The following KIF6 variants were observed in gnomAD, a reference collection of about 807,000 sequenced individuals.
The protein encoded by KIF6 is kinesin family member 6, also known as kinesin-like protein KIF6.
A neutral mutation model predicts 112.7 loss-of-function variants in KIF6; 106 were observed. That is an observed-to-expected ratio of 0.94 (90% CI 0.80 to 1.11). The LOEUF (loss-of-function observed/expected upper bound fraction) is 1.11. Ranked by LOEUF, KIF6 falls within the 50% of genes least tolerant of loss-of-function variation. The pLI is 0.00. For synonymous variants in KIF6, 339 were observed against 339.9 expected, an observed-to-expected ratio of 1.00 and a Z score of 0.03; for missense variants, 929 against 964.0, an observed-to-expected ratio of 0.96 and a Z score of 0.48.
Position 39,578,089 on chromosome 6 carries a change from C to G in KIF6, c.1148G>C (p.Arg383Thr). The change falls in exon 10 of 23, where the codon AGG (arginine) becomes ACG (threonine). Residue 383 changes from arginine to threonine, a missense_variant. Transcript: ENST00000287152. ...DELAMVTGEQ[R>T]TEALTEAELL... ...CTCTGCTTCTGTGAGTGCCTCTGTC[C>G]TCTGCTCCCCAGTGACCATGGCCAG... The G allele has an allele frequency of 6.2e-7, 1 of 1,614,046 alleles. No individual in the cohort carries two copies. Among genetic ancestry groups the G allele is most frequent in the Non-Finnish European group, 8.5e-7 (1 of 1,179,916 alleles).
intron 3 of KIF6, among the ~76,000 whole-genome samples, chr6:39,643,921 G>T (rs114841500): frequency 0.014 from 2,146 of 152,166 alleles, 52 homozygotes; most frequent in African/African-American, 0.049. Flanking sequence ...TATCTATCTG[G>T]CAAGGGACTT....
chr6:39,353,832 G>A, intron 19 of KIF6: 1 of 423,080 alleles, frequency 2.4e-6, no homozygotes, highest in Non-Finnish European at 4.3e-6. Context: ...CTGGAGAGAT[G>A]GACTTCAGGA....
chr6:39,564,188 G>C (rs1030415305), intron 10 of KIF6, among the ~76,000 whole-genome samples: 1 of 152,184 alleles, frequency 6.6e-6, no homozygotes, highest in Non-Finnish European at 1.5e-5. Flanking sequence ...GTGGGCTCAT[G>C]AAAAAGAAGG....
intron 3 of KIF6, among the ~76,000 whole-genome samples, chr6:39,698,036 C>T (rs569062696): frequency 9.2e-5 from 14 of 152,298 alleles, no homozygotes; most frequent in Admixed American, 2.6e-4. Flanking sequence ...GAAATCTTTG[C>T]AGCATGACTT....
At chr6:39,357,712 G>A (rs1764822213) in intron 18 of KIF6, among the ~76,000 whole-genome samples, 1 of 152,164 alleles carries the variant, frequency 6.6e-6, no homozygotes, top group Admixed American at 6.5e-5. Context: ...GCCTCCCAAA[G>A]TGCTGGGATT....
chr6:39,473,762 A>G (rs994852140), intron 13 of KIF6, among the ~76,000 whole-genome samples: 2 of 152,226 alleles, frequency 1.3e-5, no homozygotes, highest in Admixed American at 1.3e-4. Context: ...GTCAAAAATG[A>G]AATAGAGAGC....
chr6:39,518,578 C>T (rs988646483), intron 13 of KIF6, among the ~76,000 whole-genome samples: 1 of 152,124 alleles, frequency 6.6e-6, no homozygotes, highest in Admixed American at 6.5e-5. Flanking sequence ...AAAGAATACG[C>T]TGGGTGTTAG....
intron 15 of KIF6, among the ~76,000 whole-genome samples, chr6:39,391,357 C>G (rs1767881692): frequency 6.6e-6 from 1 of 152,180 alleles, no homozygotes; most frequent in Non-Finnish European, 1.5e-5. Flanking sequence ...ACCACCCAAT[C>G]TGTGAGTGAA....
rs1206528298 is a variant in KIF6 at position 39,496,058 on chromosome 6, T to C, written c.1645+43945A>G. Among the ~76,000 whole-genome samples the C allele has an allele frequency of 3.9e-5, 6 of 152,306 alleles. No homozygotes were observed. In the East Asian group the frequency reaches 1.2e-3, roughly 29 times the overall value. ...CTCCCTATCCCAATCATTTCTTCAA[T>C]TCTATCTTTTCCTCAAGCTGCCAGC... is the stretch of plus-strand genomic sequence containing the variant. On this transcript the variant is annotated intron_variant, in intron 13 of 22. Coordinates refer to ENST00000287152, the MANE Select transcript of KIF6 (RefSeq NM_145027.6).
intron 13 of KIF6, among the ~76,000 whole-genome samples, chr6:39,538,033 A>T (rs1295671088): frequency 6.6e-6 from 1 of 152,212 alleles, no homozygotes; most frequent in Non-Finnish European, 1.5e-5. Context: ...GTTGAAACTG[A>T]ATTCCTTCCT....
rs1051479052 is a variant in KIF6, at chr6:39,374,797, T to C, written c.1861+10825A>G. Among the ~76,000 whole-genome samples, 4 of 152,224 alleles carry C rather than the reference T, an allele frequency of 2.6e-5. No homozygotes were observed. The East Asian group carries it at 7.7e-4, about 29-fold the overall frequency. ...GAAATGTAAATTGGTACAGTTGTCA[T>C]AGAAAGCAGTATGGAGGTTGTTCAA... On this transcript the variant is annotated intron_variant, in intron 16 of 22. Coordinates refer to ENST00000287152, the MANE Select transcript of KIF6 (RefSeq NM_145027.6).
At chr6:39,671,551 A>G (rs1786818455) in intron 3 of KIF6, among the ~76,000 whole-genome samples, 1 of 152,120 alleles carries the variant, frequency 6.6e-6, no homozygotes, top group Admixed American at 6.5e-5. Flanking sequence ...TGAGGCCTAC[A>G]TTCCTATGTC....
At chr6:39,684,240 G>A (rs1787711257) in intron 3 of KIF6, among the ~76,000 whole-genome samples, 1 of 152,184 alleles carries the variant, frequency 6.6e-6, no homozygotes. Context: ...AGGGGCTCAC[G>A]CCTGTAATCC....
intron 10 of KIF6, among the ~76,000 whole-genome samples, chr6:39,569,230 A>G (rs1217952006): frequency 6.6e-6 from 1 of 152,260 alleles, no homozygotes; most frequent in Non-Finnish European, 1.5e-5. Context: ...AGAATTAAGT[A>G]CTGACAAGAG....
At chr6:39,636,405 G>A (rs887142390) in intron 4 of KIF6, among the ~76,000 whole-genome samples, 10 of 151,838 alleles carry the variant, frequency 6.6e-5, no homozygotes, top group Non-Finnish European at 1.2e-4. Context: ...TTTTTTCAGC[G>A]TAATGCTGAA....
At chr6:39,675,307 G>A (rs1248760758) in intron 3 of KIF6, among the ~76,000 whole-genome samples, 2 of 152,110 alleles carry the variant, frequency 1.3e-5, no homozygotes, top group Non-Finnish European at 2.9e-5. Flanking sequence ...GAATGTCAAA[G>A]AAACTTGCCT....
chr6:39,438,068 C>G (rs1464543603), intron 13 of KIF6, among the ~76,000 whole-genome samples: 1 of 152,130 alleles, frequency 6.6e-6, no homozygotes, highest in Non-Finnish European at 1.5e-5. Context: ...ACTTCTGCCT[C>G]CTGGGTTCAA....
At chr6:39,507,855 C>A (rs1776530834) in intron 13 of KIF6, among the ~76,000 whole-genome samples, 1 of 151,350 alleles carries the variant, frequency 6.6e-6, no homozygotes, top group Admixed American at 6.6e-5. Flanking sequence ...GGAAACTCTT[C>A]TTTTTCTTTC....
chr6:39,339,854 G>A lies in KIF6; in HGVS notation c.2429-3306C>T, dbSNP rs1411155644. On this transcript the variant is annotated intron_variant, in intron 22 of 22. Transcript: ENST00000287152. The stretch of plus-strand genomic sequence containing the variant: ...CTTGGTGAAGCCTAAGAGCTGGCGA[G>A]GCTTATGTTAAATTGCCCTCTCTGG... 2.6e-5 allele frequency among the ~76,000 whole-genome samples: 4 copies of A among 152,288 alleles called. No individual in the cohort carries two copies. The South Asian group carries it at 8.3e-4, about 32-fold the overall frequency.
Sources: gnomAD v4.1 joint callset for allele counts (sites outside exome capture counted in the v4.1 genomes callset) on GRCh38, gnomAD v4.1.1 for gene constraint, MANE v1.5 for transcripts, NCBI Gene and HGNC (gene_info 2026-07-23, HGNC 2026-07-21) for gene names.